FRMD6: variants seen among roughly 807,000 people sequenced by gnomAD.
The protein encoded by FRMD6 is FERM domain-containing protein 6.
A neutral mutation model predicts 73.2 loss-of-function variants in FRMD6; 37 were observed. The observed-to-expected ratio is 0.51, with a 90% confidence interval of 0.39 to 0.66. The LOEUF is 0.66. Among genes scored for constraint, FRMD6 ranks in the 30% least tolerant of loss-of-function variants. The pLI, the probability that FRMD6 is intolerant of heterozygous loss-of-function variation, is 0.00. For synonymous variants in FRMD6, 273 were observed against 282.2 expected (o/e 0.97, Z 0.33); for missense variants, 714 against 780.5 (o/e 0.91, Z 1.02).
At chr14:51,409,700 T>C in the FRMD6 span, among the ~76,000 whole-genome samples, 16 of 152,220 alleles carry the variant, frequency 1.1e-4, no homozygotes, top group Admixed American at 9.8e-4. Flanking sequence ...CCAGACTCAA[T>C]TGATCCTCCC....
chr14:51,719,983 C>A (rs919141616), intron 10 of FRMD6, 72 bp from the exon 11 acceptor site: 4 of 1,119,482 alleles, frequency 3.6e-6, no homozygotes, highest in Admixed American at 4.4e-5. Flanking sequence ...TTGTTCTTGG[C>A]CTGATGAGTC....
chr14:51,686,249 G>C, intron 1 of FRMD6, among the ~76,000 whole-genome samples: 1 of 152,100 alleles, frequency 6.6e-6, no homozygotes, highest in Non-Finnish European at 1.5e-5. Flanking sequence ...CCGGCACCCA[G>C]TTTCCCCTGT....
At chr14:51,708,477 G>A (rs1189539108) in intron 7 of FRMD6, 2 of 334,398 alleles carry the variant, frequency 6.0e-6, no homozygotes, top group Non-Finnish European at 1.1e-5. Context: ...GATGACAATT[G>A]GCTATAAGAT....
intron 1 of FRMD6, among the ~76,000 whole-genome samples, chr14:51,656,531 A>G (rs1247299342): frequency 1.3e-5 from 2 of 151,432 alleles, no homozygotes; most frequent in Non-Finnish European, 2.9e-5. Context: ...CTCCTGCCTC[A>G]GCCTCCCGAG....
chr14:51,643,595 A>C (rs1891912102), intron 2 of FRMD6: 1 of 152,256 alleles, frequency 6.6e-6, no homozygotes. Flanking sequence ...AAAGGAAAGA[A>C]GTCAAGCCAA....
chr14:51,527,317 A>G lies in FRMD6; in HGVS notation c.-210+37897A>G, dbSNP rs536333103. On this transcript the variant is annotated intron_variant, in intron 1 of 14. Coordinates refer to the FRMD6 transcript ENST00000356218. ...CATGGTTTATAAACATTAACTCAACATATTCCTCAGGACAACATCCAGACT... is the reference window on the plus strand; with the variant it reads ...CATGGTTTATAAACATTAACTCAACGTATTCCTCAGGACAACATCCAGACT... Among the ~76,000 whole-genome samples, 7 of 152,364 alleles carry G rather than the reference A, an allele frequency of 4.6e-5. No homozygotes were observed. In the East Asian group the frequency reaches 1.3e-3, roughly 29 times the overall value.
chr14:51,538,635 G>A (rs572935406), intron 1 of FRMD6, among the ~76,000 whole-genome samples: 116 of 152,086 alleles, frequency 7.6e-4, no homozygotes, highest in African/African-American at 1.7e-3. Context: ...TTGTTCTGGC[G>A]CAATTTATTA....
intron 1 of FRMD6, among the ~76,000 whole-genome samples, chr14:51,558,140 T>G (rs56270364): frequency 6.6e-6 from 1 of 152,048 alleles, no homozygotes; most frequent in Non-Finnish European, 1.5e-5. Context: ...ACCATTAATA[T>G]ATACAATTTT....
chr14:51,682,072 C>G (rs1257182137), intron 1 of FRMD6, among the ~76,000 whole-genome samples: 2 of 152,132 alleles, frequency 1.3e-5, no homozygotes, highest in Non-Finnish European at 2.9e-5. Flanking sequence ...CTGAAAATTA[C>G]TGTTATTAAT....
In FRMD6 at chr14:51,495,269, A is replaced by G. The variant is rs78343152; in HGVS notation, c.-210+5849A>G. ...TCTCATCAGAATGGCCTTCATATCC[A>G]TATTTCACCAATATTCTGTTCACAA... On this transcript the variant is annotated intron_variant, in intron 1 of 14. Coordinates refer to the FRMD6 transcript ENST00000356218. Among the ~76,000 whole-genome samples the G allele has an allele frequency of 3.4e-4, 52 of 152,320 alleles. No individual in the cohort carries two copies. In the East Asian group the frequency reaches 0.01, roughly 29 times the overall value.
chr14:51,523,231 T>C (rs1210749292), intron 1 of FRMD6, among the ~76,000 whole-genome samples: 1 of 152,244 alleles, frequency 6.6e-6, no homozygotes, highest in African/African-American at 2.4e-5. Context: ...AAATAATGTT[T>C]TTCTTTAAGT....
the FRMD6 span, chr14:51,436,128 G>GGTGGTCGCCGTATCATTAAAAAA: frequency 4.0e-6 from 1 of 250,144 alleles, no homozygotes; most frequent in Non-Finnish European, 7.7e-6. Flanking sequence ...ATTGACTTCT[G>GGTGGTCGCCGTATCATTAAAAAA]CAGGCTTACT....
At chr14:51,574,112 C>G (rs1006800296) in intron 2 of FRMD6, among the ~76,000 whole-genome samples, 1 of 152,214 alleles carries the variant, frequency 6.6e-6, no homozygotes, top group South Asian at 2.1e-4. Flanking sequence ...TTTGATTAAC[C>G]CTTGGGAAGG....
intron 2 of FRMD6, among the ~76,000 whole-genome samples, chr14:51,587,746 A>C (rs1889137362): frequency 6.6e-6 from 1 of 152,224 alleles, no homozygotes; most frequent in Non-Finnish European, 1.5e-5. Flanking sequence ...TTTTGCTTTG[A>C]ATAGTTAAGC....
chr14:51,463,791 A>C, the FRMD6 span, among the ~76,000 whole-genome samples: 2 of 152,120 alleles, frequency 1.3e-5, no homozygotes, highest in Non-Finnish European at 2.9e-5. Flanking sequence ...TACAGTTATA[A>C]ATGTTTTCCT....
chr14:51,515,438 G>A lies in FRMD6; in HGVS notation c.-210+26018G>A, dbSNP rs555457369. 2.6e-5 allele frequency among the ~76,000 whole-genome samples: 4 copies of A among 152,258 alleles called. No individual in the cohort carries two copies. The South Asian group carries it at 8.3e-4, about 32-fold the overall frequency. On this transcript the variant is annotated intron_variant, in intron 1 of 14. Transcript: ENST00000356218. ...TCTGCTGCTTCAATTCCCCATGGCTGGACTCTGTGTATATATTAGGCCCCC... is the reference window on the plus strand; with the variant it reads ...TCTGCTGCTTCAATTCCCCATGGCTAGACTCTGTGTATATATTAGGCCCCC...
intron 1 of FRMD6, among the ~76,000 whole-genome samples, chr14:51,532,688 A>G (rs889665070): frequency 6.6e-6 from 1 of 152,180 alleles, no homozygotes; most frequent in Non-Finnish European, 1.5e-5. Context: ...CGTCCTTCCT[A>G]TATAAACAAC....
chr14:51,589,014 C>CA (rs1889220514), intron 2 of FRMD6, among the ~76,000 whole-genome samples: 1 of 152,230 alleles, frequency 6.6e-6, no homozygotes, highest in Non-Finnish European at 1.5e-5. Context: ...CCCATGGGAA[C>CA]ATGCAGTTGA....
intron 2 of FRMD6, among the ~76,000 whole-genome samples, chr14:51,585,945 A>G (rs759107898): frequency 0.28 from 5,800 of 20,540 alleles, 831 homozygotes; most frequent in Middle Eastern, 0.47. Flanking sequence ...GTGTGTATAT[A>G]TATATATATA....
Sources: gnomAD v4.1 joint callset for allele counts (sites outside exome capture counted in the v4.1 genomes callset) on GRCh38, gnomAD v4.1.1 for gene constraint, MANE v1.5 for transcripts, NCBI Gene and HGNC (gene_info 2026-07-23, HGNC 2026-07-21) for gene names.